The following UBE2E3 variants were observed in gnomAD, a reference collection of about 807,000 sequenced individuals.
UBE2E3 encodes ubiquitin conjugating enzyme E2 E3, also known as ubiquitin-conjugating enzyme E2 E3.
A neutral mutation model predicts 23.6 loss-of-function variants in UBE2E3; 5 were observed. The observed-to-expected ratio is 0.21, with a 90% confidence interval of 0.11 to 0.44. The LOEUF (loss-of-function observed/expected upper bound fraction) is 0.44. Ranked by LOEUF, UBE2E3 falls within the 20% of genes least tolerant of loss-of-function variation. UBE2E3 has a pLI of 0.99. For synonymous variants in UBE2E3, 78 were observed against 87.5 expected (o/e 0.89, Z 0.60); for missense variants, 81 against 249.8 (o/e 0.32, Z 4.55).
At chr2:181,046,162 G>C (rs1686668205) in intron 3 of UBE2E3, among the ~76,000 whole-genome samples, 1 of 152,134 alleles carries the variant, frequency 6.6e-6, no homozygotes, top group Non-Finnish European at 1.5e-5. Context: ...ATAAGTGCCA[G>C]CTATAGTATG....
intron 3 of UBE2E3, among the ~76,000 whole-genome samples, chr2:181,033,756 G>A (rs1203830120): frequency 6.6e-6 from 1 of 152,026 alleles, no homozygotes; most frequent in Non-Finnish European, 1.5e-5. Flanking sequence ...CTACAGAATG[G>A]GAGAAAATTT....
At chr2:181,004,333 T>A (rs1323979569) in intron 3 of UBE2E3, among the ~76,000 whole-genome samples, 1 of 152,214 alleles carries the variant, frequency 6.6e-6, no homozygotes, top group African/African-American at 2.4e-5. Context: ...CCTGATTAGC[T>A]GTAGCTTAAG....
intron 3 of UBE2E3, among the ~76,000 whole-genome samples, chr2:181,047,135 T>TTC (rs1327802267): frequency 6.6e-6 from 1 of 152,174 alleles, no homozygotes; most frequent in Non-Finnish European, 1.5e-5. Context: ...CGTCTTTAGT[T>TTC]TCTAACACAC....
chr2:180,984,821 A>G (rs966428017), intron 3 of UBE2E3, among the ~76,000 whole-genome samples: 2 of 151,976 alleles, frequency 1.3e-5, no homozygotes, highest in Admixed American at 6.6e-5. Flanking sequence ...TTTTTTCTCT[A>G]ATAATTTTTT....
intron 4 of UBE2E3, among the ~76,000 whole-genome samples, chr2:181,059,065 T>G (rs962467093): frequency 2.0e-5 from 3 of 151,808 alleles, no homozygotes; most frequent in Non-Finnish European, 2.9e-5. Context: ...GTAATTTTGA[T>G]GAATATAATG....
At chr2:181,005,027 T>C (rs561339383) in intron 3 of UBE2E3, among the ~76,000 whole-genome samples, 1 of 152,330 alleles carries the variant, frequency 6.6e-6, no homozygotes, top group Non-Finnish European at 1.5e-5. Flanking sequence ...CTTTTAAAAA[T>C]TGACTTTGAA....
chr2:181,045,425 CAGTT>C (rs1429065328), intron 3 of UBE2E3, among the ~76,000 whole-genome samples: 20 of 152,276 alleles, frequency 1.3e-4, no homozygotes, highest in South Asian at 4.1e-4. Flanking sequence ...ATAGGAGTAA[CAGTT>C]AGAGAGCCCA....
intron 3 of UBE2E3, among the ~76,000 whole-genome samples, chr2:181,031,217 C>G (rs1015423245): frequency 2.6e-5 from 4 of 152,034 alleles, no homozygotes; most frequent in South Asian, 2.1e-4. Flanking sequence ...AAAAATATCT[C>G]TTCTCTGATT....
chr2:181,041,123 C>CT (rs897393251), intron 3 of UBE2E3, among the ~76,000 whole-genome samples: 1 of 149,522 alleles, frequency 6.7e-6, no homozygotes, highest in Non-Finnish European at 1.5e-5. Context: ...CAGCACGTGC[C>CT]TGTAGTCCCA....
chr2:181,056,080 T>G (rs1387517945), intron 3 of UBE2E3, among the ~76,000 whole-genome samples: 2 of 63,648 alleles, frequency 3.1e-5, no homozygotes, highest in African/African-American at 1.3e-4. Context: ...AAGGAAATGC[T>G]TAAAAAAAAA....
chr2:180,990,270 C>A (rs4666991), intron 3 of UBE2E3, among the ~76,000 whole-genome samples: 35,068 of 151,824 alleles, frequency 0.23, 4,370 homozygotes, highest in Non-Finnish European at 0.28. Context: ...AGTAGGTAGA[C>A]GTCAGTGGTA....
intron 3 of UBE2E3, among the ~76,000 whole-genome samples, chr2:180,995,515 G>T (rs568287214): frequency 1.4e-4 from 22 of 152,058 alleles, no homozygotes; most frequent in Non-Finnish European, 2.9e-4. Context: ...GTTTTTGGGG[G>T]CATCAGAAGT....
intron 3 of UBE2E3, among the ~76,000 whole-genome samples, chr2:181,057,464 A>G (rs1425585460): frequency 6.6e-6 from 1 of 151,774 alleles, no homozygotes; most frequent in Admixed American, 6.6e-5. Context: ...GTAAAGTTAT[A>G]CCAATTTTCT....
chr2:180,985,375 T>G lies in UBE2E3; in HGVS notation c.245+1282T>G, dbSNP rs75009736. ...CTATAAGGGTAAAATTTATACACAT[T>G]GGATTTTAAAAACTTAGTACAACAA... On this transcript the variant is annotated intron_variant, in intron 3 of 5. Transcript: ENST00000410062. 6.5e-4 allele frequency among the ~76,000 whole-genome samples: 99 copies of G among 152,244 alleles called. 1 individual carries two copies. In the East Asian group the frequency reaches 0.012, roughly 18 times the overall value.
In UBE2E3 at chr2:180,984,104, A is replaced by G; in HGVS notation, c.245+11A>G. 6.2e-7 allele frequency: 1 copy of G among 1,608,086 alleles called. No individual in the cohort carries two copies. Among genetic ancestry groups the G allele is most frequent in the South Asian group, 1.1e-5 (1 of 90,118 alleles). On this transcript the variant is annotated intron_variant, in intron 3 of 5. Coordinates refer to ENST00000410062, the MANE Select transcript of UBE2E3 (RefSeq NM_006357.4). ...TCCTCCTAATTGCAGGTAAGAAATG[A>G]ATTTTGTTGTTTTGGTTTCAAATTG...
Position 181,057,785 on chromosome 2 carries a change from A to C in UBE2E3, c.338A>C (p.Asp113Ala). The change falls in exon 4 of 6, where the codon GAT (aspartate) becomes GCT (alanine). Residue 113 changes from aspartate (D) to alanine (A), a missense_variant. Coordinates refer to ENST00000410062, the MANE Select transcript of UBE2E3 (RefSeq NM_006357.4). Reference sequence around the variant, plus strand: ...TATGAAGGTGGTGTGTTTTTTCTGGATATCACATTTTCATCAGATTATCCA... The same window carrying C: ...TATGAAGGTGGTGTGTTTTTTCTGGCTATCACATTTTCATCAGATTATCCA... ...SVYEGGVFFLDITFSSDYPFK... is the reference protein window; with the variant it reads ...SVYEGGVFFLAITFSSDYPFK... The C allele has an allele frequency of 6.2e-7, 1 of 1,611,498 alleles. No individual in the cohort carries two copies. Among genetic ancestry groups the C allele is most frequent in the Non-Finnish European group, 8.5e-7 (1 of 1,178,472 alleles).
chr2:181,008,497 G>A (rs1247550155), intron 3 of UBE2E3, among the ~76,000 whole-genome samples: 2 of 152,164 alleles, frequency 1.3e-5, no homozygotes, highest in South Asian at 2.1e-4. Context: ...TAGATGCTTC[G>A]TATGTGCATT....
chr2:180,980,655 G>GGCA lies in UBE2E3; in HGVS notation c.-343_-342insCAG, dbSNP rs1310318813. Reference sequence around the variant, plus strand: ...AGGAGCCGAGCCGGGCGGCGGCGGCGGGAGGCTACAGCGCGCGGGGGTCTC... The same window carrying GGCA: ...AGGAGCCGAGCCGGGCGGCGGCGGCGGCAGGAGGCTACAGCGCGCGGGGGTCTC... On this transcript the variant is annotated 5_prime_UTR_variant, in exon 1 of 6. Coordinates refer to ENST00000410062, the MANE Select transcript of UBE2E3 (RefSeq NM_006357.4). The surrounding 1 kb of genome is among the most constrained non-coding windows in gnomAD (Gnocchi z 5.5). 6.8e-6 allele frequency: 1 copy of GGCA among 147,794 alleles called. No individual in the cohort carries two copies. The highest frequency in any genetic ancestry group is 1.5e-5 in the Non-Finnish European group (1 of 66,356). 9.2% of individuals were successfully genotyped at this position (147,794 alleles called of 1,614,324 possible). A position where few individuals can be genotyped will look rare whatever the true frequency, so the allele number is the denominator to read the frequency against.
intron 3 of UBE2E3, among the ~76,000 whole-genome samples, chr2:181,007,064 A>G (rs1326357369): frequency 6.6e-6 from 1 of 152,162 alleles, no homozygotes; most frequent in East Asian, 1.9e-4. Context: ...GGTCTCTTTC[A>G]TCTCCCAGTC....
Sources: allele counts gnomAD v4.1 joint callset (sites outside exome capture counted in the v4.1 genomes callset), GRCh38; gene constraint gnomAD v4.1.1; non-coding constraint Gnocchi (gnomAD v3.1); transcripts MANE v1.5; gene names NCBI Gene and HGNC (gene_info 2026-07-23, HGNC 2026-07-21).